The following ACTL8 variants were observed in gnomAD, a reference collection of about 807,000 sequenced individuals.
ACTL8 encodes the protein actin-like protein 8.
ACTL8 carries 3 observed loss-of-function variants against 9.3 expected under a neutral mutation model. The ratio of observed to expected loss-of-function variants is 0.32; its 90% confidence interval spans 0.15 to 0.83. The LOEUF (loss-of-function observed/expected upper bound fraction) is 0.83. ACTL8 is among the 40% of genes least tolerant of loss of function. The pLI, the probability that ACTL8 is intolerant of heterozygous loss-of-function variation, is 0.57. For missense variants in ACTL8, 381 were observed against 492.2 expected (o/e 0.77, Z 2.14); for synonymous variants, 224 against 205.9 (o/e 1.09, Z -0.75).
At chr1:17,779,837 C>A (rs776757886) in intron 1 of ACTL8, among the ~76,000 whole-genome samples, 20 of 152,172 alleles carry the variant, frequency 1.3e-4, no homozygotes, top group Non-Finnish European at 2.2e-4. Context: ...AGTGGGTCTT[C>A]CATGTTCCTG....
chr1:17,811,740 C>T (rs542339546), intron 1 of ACTL8, among the ~76,000 whole-genome samples: 2 of 152,244 alleles, frequency 1.3e-5, no homozygotes, highest in East Asian at 3.9e-4. Flanking sequence ...CGGAATTGTC[C>T]TTGTACCTTT....
intron 1 of ACTL8, among the ~76,000 whole-genome samples, chr1:17,813,640 G>GT (rs1395143747): frequency 6.6e-6 from 1 of 152,216 alleles, no homozygotes; most frequent in Non-Finnish European, 1.5e-5. Context: ...CACAAACTGA[G>GT]TTGGGGTGTG....
At chr1:17,774,805 G>A (rs529734383) in intron 1 of ACTL8, among the ~76,000 whole-genome samples, 7 of 152,126 alleles carry the variant, frequency 4.6e-5, no homozygotes, top group African/African-American at 4.8e-5. Flanking sequence ...CCCTGGAGCC[G>A]CTGGAAGAGG....
chr1:17,773,142 C>T (rs977265197), intron 1 of ACTL8, among the ~76,000 whole-genome samples: 2 of 152,164 alleles, frequency 1.3e-5, no homozygotes, highest in African/African-American at 4.8e-5. Context: ...ATATTATTTA[C>T]GTTAATAACA....
chr1:17,812,106 C>T (rs1416798720), intron 1 of ACTL8, among the ~76,000 whole-genome samples: 2 of 151,994 alleles, frequency 1.3e-5, no homozygotes, highest in Non-Finnish European at 2.9e-5. Context: ...GATCTGCCTG[C>T]CTTGGCCTCC....
intron 1 of ACTL8, among the ~76,000 whole-genome samples, chr1:17,820,297 A>C (rs1489288661): frequency 6.6e-6 from 1 of 152,108 alleles, no homozygotes; most frequent in Non-Finnish European, 1.5e-5. Flanking sequence ...AGCCTCGGGC[A>C]TTTGAGATTT....
intron 1 of ACTL8, among the ~76,000 whole-genome samples, chr1:17,819,322 C>T (rs1277700392): frequency 6.6e-6 from 1 of 152,240 alleles, no homozygotes; most frequent in African/African-American, 2.4e-5. Context: ...CTCAGCCTGC[C>T]AGGAGGCGAG....
At chr1:17,793,202 G>C (rs1168698605) in intron 1 of ACTL8, among the ~76,000 whole-genome samples, 1 of 152,192 alleles carries the variant, frequency 6.6e-6, no homozygotes, top group Non-Finnish European at 1.5e-5. Flanking sequence ...CAGATCTAGT[G>C]TCTCCAGGTT....
intron 1 of ACTL8, among the ~76,000 whole-genome samples, chr1:17,783,407 C>T (rs1046384670): frequency 1.3e-4 from 19 of 149,884 alleles, no homozygotes; most frequent in Admixed American, 3.3e-4. Flanking sequence ...TCCCATGTGT[C>T]GGATGATGCC....
intron 1 of ACTL8, among the ~76,000 whole-genome samples, chr1:17,786,353 G>A (rs1270305475): frequency 6.6e-6 from 1 of 152,236 alleles, no homozygotes; most frequent in Non-Finnish European, 1.5e-5. Flanking sequence ...GCCTTCAGGC[G>A]TGTCTGCCTT....
intron 2 of ACTL8, among the ~76,000 whole-genome samples, chr1:17,824,630 C>G (rs947696607): frequency 6.6e-6 from 1 of 152,168 alleles, no homozygotes; most frequent in Admixed American, 6.5e-5. Flanking sequence ...AAGTATGTTT[C>G]ATATTGCATG....
rs532984743 is a variant in ACTL8 at position 17,762,894 on chromosome 1, G to T, written c.-25+7390G>T. Among the ~76,000 whole-genome samples the T allele has an allele frequency of 5.3e-5, 8 of 152,298 alleles. No homozygotes were observed. In the South Asian group the frequency reaches 1.7e-3, roughly 32 times the overall value. ...TCAGTTTTCCTCTGCGTCCATGGGGGTGGTAGGGCTGCCTGGTGGGGCCCG... is the reference window on the plus strand; with the variant it reads ...TCAGTTTTCCTCTGCGTCCATGGGGTTGGTAGGGCTGCCTGGTGGGGCCCG... On this transcript the variant is annotated intron_variant, in intron 1 of 2. Transcript: ENST00000375406.
At chr1:17,793,087 C>G (rs1404981588) in intron 1 of ACTL8, among the ~76,000 whole-genome samples, 1 of 152,228 alleles carries the variant, frequency 6.6e-6, no homozygotes, top group Non-Finnish European at 1.5e-5. Flanking sequence ...TTCTGACTTT[C>G]TTGCACTGTC....
At chr1:17,825,730 G>C (rs772785597) in intron 2 of ACTL8, 37 bp from the exon 3 acceptor site, 13 of 1,589,670 alleles carry the variant, frequency 8.2e-6, no homozygotes, top group Non-Finnish European at 1.1e-5. Context: ...GAGCAGGCTG[G>C]GGGGAAATGC....
At chr1:17,783,400 C>T (rs1321939854) in intron 1 of ACTL8, among the ~76,000 whole-genome samples, 2 of 151,186 alleles carry the variant, frequency 1.3e-5, no homozygotes, top group Non-Finnish European at 2.9e-5. Context: ...TAACTAGTCC[C>T]ATGTGTCGGA....
intron 1 of ACTL8, among the ~76,000 whole-genome samples, chr1:17,807,025 C>G (rs1266044047): frequency 3.3e-5 from 5 of 152,206 alleles, no homozygotes; most frequent in African/African-American, 1.2e-4. Flanking sequence ...CATTGCTTGG[C>G]TCATGGCCTC....
At chr1:17,794,359 G>A (rs965822506) in intron 1 of ACTL8, among the ~76,000 whole-genome samples, 3 of 152,112 alleles carry the variant, frequency 2.0e-5, no homozygotes, top group African/African-American at 4.8e-5. Flanking sequence ...AATATCCTGG[G>A]TTTCTGGGGC....
intron 1 of ACTL8, among the ~76,000 whole-genome samples, chr1:17,783,545 G>T (rs2066172870): frequency 6.6e-6 from 1 of 152,166 alleles, no homozygotes; most frequent in African/African-American, 2.4e-5. Context: ...GACTAGAATA[G>T]AGGAAAAGGA....
chr1:17,804,335 T>C (rs2066342985), intron 1 of ACTL8, among the ~76,000 whole-genome samples: 1 of 152,232 alleles, frequency 6.6e-6, no homozygotes, highest in Admixed American at 6.5e-5. Context: ...CCTTAGTTAG[T>C]GTCTCCTCCT....
Sources: allele counts gnomAD v4.1 joint callset (sites outside exome capture counted in the v4.1 genomes callset), GRCh38; gene constraint gnomAD v4.1.1; transcripts MANE v1.5; gene names NCBI Gene and HGNC (gene_info 2026-07-23, HGNC 2026-07-21).